Variants in TP53BP1 observed in about 807,000 individuals in gnomAD.
TP53BP1 encodes TP53-binding protein 1.
Under a neutral mutation model 200.8 loss-of-function variants are expected in TP53BP1, and 61 were observed. The ratio of observed to expected loss-of-function variants is 0.30; its 90% CI spans 0.25 to 0.38. TP53BP1 has a LOEUF of 0.38. TP53BP1 is among the 10% of genes least tolerant of loss of function. The probability of loss-of-function intolerance (pLI) is 1.00; values close to 1 mark genes in which losing one functional copy is unlikely to be tolerated. For synonymous variants in TP53BP1, 822 were observed against 844.3 expected (o/e 0.97, Z 0.46); for missense variants, 2,144 against 2,371.9 (o/e 0.90, Z 2.00).
chr15:43,448,823 A>G (rs2046101326), intron 12 of TP53BP1, among the ~76,000 whole-genome samples: 1 of 152,228 alleles, frequency 6.6e-6, no homozygotes, highest in Admixed American at 6.5e-5. Flanking sequence ...ACATATGCTC[A>G]GCTAAAGAAA....
At chr15:43,422,180 T>C in intron 18 of TP53BP1, 54 bp from the exon 19 acceptor site, 1 of 1,556,854 alleles carries the variant, frequency 6.4e-7, no homozygotes, top group Admixed American at 2.0e-5. Flanking sequence ...AACACAATGC[T>C]AATATGATGG....
At chr15:43,438,001 G>C (rs1289745384) in intron 16 of TP53BP1, among the ~76,000 whole-genome samples, 1 of 152,198 alleles carries the variant, frequency 6.6e-6, no homozygotes, top group African/African-American at 2.4e-5. Context: ...GACATCACAT[G>C]GTGAGGGTGC....
In TP53BP1 at chr15:43,432,362, T is replaced by G; in HGVS notation, c.3507A>C (p.Pro1169=). ...IQTMECSLRV[P]ETVSAATQTI... is the part of the protein sequence containing the mutation. ...TCTGGGTTGCTGCTGAAACAGTTTC[T>G]GGGACCCTCAAGGAACACTCCATGG... The change falls in exon 17 of 28, where the codon CCA becomes CCC. Residue 1169 remains proline (P), a synonymous_variant. Transcript: ENST00000382044. 2 of 1,614,216 alleles carry G rather than the reference T, an allele frequency of 1.2e-6. No individual in the cohort carries two copies. Among genetic ancestry groups the G allele is most frequent in the Non-Finnish European group, 1.7e-6 (2 of 1,180,024 alleles).
chr15:43,424,892 T>C (rs978636557), intron 18 of TP53BP1, among the ~76,000 whole-genome samples: 10 of 152,210 alleles, frequency 6.6e-5, no homozygotes, highest in African/African-American at 2.4e-4. Context: ...GATTGAGTCA[T>C]AAGGGCTCTG....
intron 11 of TP53BP1, among the ~76,000 whole-genome samples, chr15:43,460,722 C>A (rs987842128): frequency 5.3e-5 from 8 of 152,114 alleles, no homozygotes; most frequent in Non-Finnish European, 7.4e-5. Context: ...TCAGACATGA[C>A]TGAGTATAAA....
At chr15:43,484,509 G>T (rs1441660607) in intron 4 of TP53BP1, among the ~76,000 whole-genome samples, 1 of 152,040 alleles carries the variant, frequency 6.6e-6, no homozygotes, top group Non-Finnish European at 1.5e-5. Flanking sequence ...ACCCTTAAAT[G>T]TCTTCCTATC....
At chr15:43,461,874 T>A (rs1220501376) in intron 11 of TP53BP1, among the ~76,000 whole-genome samples, 1 of 151,656 alleles carries the variant, frequency 6.6e-6, no homozygotes, top group Non-Finnish European at 1.5e-5. Context: ...TTCACCGTGT[T>A]GGCCAGGCCG....
intron 4 of TP53BP1, among the ~76,000 whole-genome samples, chr15:43,481,509 A>T (rs979756290): frequency 6.8e-6 from 1 of 146,540 alleles, no homozygotes; most frequent in East Asian, 2.0e-4. Flanking sequence ...TTTTTTACTT[A>T]TTTTTTTTTT....
chr15:43,495,748 C>T (rs1439610505), upstream of TP53BP1, among the ~76,000 whole-genome samples: 1 of 149,448 alleles, frequency 6.7e-6, no homozygotes, highest in Non-Finnish European at 1.5e-5. Flanking sequence ...ACCCGGGAGG[C>T]GGAGCTTGCA....
intron 5 of TP53BP1, 79 bp downstream of exon 5, chr15:43,480,813 AGAG>A: frequency 1.4e-6 from 2 of 1,464,446 alleles, no homozygotes; most frequent in Non-Finnish European, 1.9e-6. Flanking sequence ...AACCTAATAA[AGAG>A]GAGAAATTTA....
chr15:43,430,192 C>A (rs1182501522), intron 17 of TP53BP1, among the ~76,000 whole-genome samples: 1 of 152,156 alleles, frequency 6.6e-6, no homozygotes, highest in Non-Finnish European at 1.5e-5. Context: ...GTTCCACGTC[C>A]TTTTTGACAT....
chr15:43,423,793 C>T (rs2045462589), intron 18 of TP53BP1, among the ~76,000 whole-genome samples: 1 of 152,032 alleles, frequency 6.6e-6, no homozygotes, highest in Non-Finnish European at 1.5e-5. Flanking sequence ...CTTTAAAATC[C>T]ATAAAAGTAC....
rs754685229 is a variant in TP53BP1 at position 43,415,569 on chromosome 15, G to A, written c.5089+25C>T. 4 of 1,612,268 alleles carry A rather than the reference G, an allele frequency of 2.5e-6. No individual in the cohort carries two copies. The East Asian group carries it at 8.9e-5, about 36-fold the overall frequency. On this transcript the variant is annotated intron_variant, in intron 23 of 27. Transcript: ENST00000382044. ...TGCATTCTGCCATGGTCTGAAGGAAGAATGAGGCAAAAAGGAGCACTTACC... is the reference window on the plus strand; with the variant it reads ...TGCATTCTGCCATGGTCTGAAGGAAAAATGAGGCAAAAAGGAGCACTTACC...
At chr15:43,496,622 CTTTT>C (rs201302525), upstream of TP53BP1, among the ~76,000 whole-genome samples, 2 of 135,154 alleles carry the variant, frequency 1.5e-5, no homozygotes. Context: ...TCATATATTC[CTTTT>C]TTTTTTTTTT....
chr15:43,474,196 C>A (rs2046796467), intron 10 of TP53BP1, among the ~76,000 whole-genome samples: 1 of 152,194 alleles, frequency 6.6e-6, no homozygotes, highest in Admixed American at 6.5e-5. Context: ...CAAGCCCACA[C>A]CCACCAGGAA....
At chr15:43,445,544 T>C (rs2046022223) in intron 14 of TP53BP1, among the ~76,000 whole-genome samples, 1 of 152,210 alleles carries the variant, frequency 6.6e-6, no homozygotes, top group African/African-American at 2.4e-5. Flanking sequence ...CAACTCCACC[T>C]AGCACCAATT....
chr15:43,479,798 A>T, intron 6 of TP53BP1, 61 bp downstream of exon 6: 1 of 1,572,308 alleles, frequency 6.4e-7, no homozygotes, highest in Non-Finnish European at 8.7e-7. Flanking sequence ...AAGAAAAAAT[A>T]ACTACCTCTA....
upstream of TP53BP1, among the ~76,000 whole-genome samples, chr15:43,493,440 A>C (rs2079157511): frequency 6.6e-6 from 1 of 152,122 alleles, no homozygotes; most frequent in African/African-American, 2.4e-5. Context: ...CAGACATTTC[A>C]GTACCTCTAC....
Position 43,420,753 on chromosome 15 carries a change from A to G in TP53BP1, c.4251-18T>C. On this transcript the variant is annotated intron_variant, in intron 20 of 27. Transcript: ENST00000382044. ...CTGTTTCTCTAAAGAGAGATAGGGG[A>G]TAGGAGAAGCCGGTGAGAACAAGAA... 3 of 1,601,232 alleles carry G rather than the reference A, an allele frequency of 1.9e-6. No homozygotes were observed. The highest frequency in any genetic ancestry group is 2.6e-6 in the Non-Finnish European group (3 of 1,173,120).
Sources: gnomAD v4.1 joint callset for allele counts (sites outside exome capture counted in the v4.1 genomes callset) on GRCh38, gnomAD v4.1.1 for gene constraint, MANE v1.5 for transcripts, NCBI Gene and HGNC (gene_info 2026-07-23, HGNC 2026-07-21) for gene names.